Variants in EPHA7 observed in about 807,000 individuals in gnomAD.
The protein encoded by EPHA7 is ephrin type-A receptor 7.
EPHA7 carries 25 observed loss-of-function variants against 112.6 expected under a neutral mutation model. The ratio of observed to expected loss-of-function variants is 0.22; its 90% CI spans 0.16 to 0.31. EPHA7 has a LOEUF of 0.31. EPHA7 is among the 10% of genes least tolerant of loss of function. The probability of loss-of-function intolerance (pLI) is 1.00; values close to 1 mark genes in which losing one functional copy is unlikely to be tolerated. For missense variants in EPHA7, 962 were observed against 1,212.6 expected (o/e 0.79, Z 3.07); for synonymous variants, 437 against 406.5 (o/e 1.07, Z -0.90).
chr6:93,400,107 A>C (rs1297387258), intron 3 of EPHA7, among the ~76,000 whole-genome samples: 1 of 152,030 alleles, frequency 6.6e-6, no homozygotes, highest in Non-Finnish European at 1.5e-5. Flanking sequence ...CTTTATAGGA[A>C]AATGTCAACT....
Position 93,357,026 on chromosome 6 carries a change from T to C in EPHA7, c.1015A>G (p.Ile339Val), listed in dbSNP as rs1158620225. ...ACTGTGGTTTGGTTGATGTTGAAAA[T>C]GAGGTTCTGTGGTGCAGATGGAGGC... is the stretch of plus-strand genomic sequence containing the variant. ...TRPPSAPQNL[I>V]FNINQTTVSL... is the part of the protein sequence containing the mutation. The change falls in exon 5 of 17, where the codon ATT becomes GTT. Residue 339 changes from isoleucine (I) to valine (V), a missense_variant. Ile to Val is a conservative substitution (Grantham distance 29, BLOSUM62 3). Transcript: ENST00000369303. 5.0e-6 allele frequency: 8 copies of C among 1,612,970 alleles called. No homozygotes were observed. The Admixed American group carries it at 6.7e-5, about 13-fold the overall frequency.
intron 5 of EPHA7, among the ~76,000 whole-genome samples, chr6:93,304,639 G>C (rs1277348093): frequency 6.6e-6 from 1 of 152,054 alleles, no homozygotes; most frequent in African/African-American, 2.4e-5. Flanking sequence ...TGTTTTATAG[G>C]AGGAGAATTC....
chr6:93,298,250 ACAGT>A (rs1772777624), intron 5 of EPHA7, among the ~76,000 whole-genome samples: 1 of 152,186 alleles, frequency 6.6e-6, no homozygotes, highest in Non-Finnish European at 1.5e-5. Context: ...GTGGGAGCCG[ACAGT>A]CAGAAATACC....
chr6:93,416,039 G>T (rs1779204626), intron 1 of EPHA7, among the ~76,000 whole-genome samples: 1 of 151,642 alleles, frequency 6.6e-6, no homozygotes, highest in African/African-American at 2.4e-5. Flanking sequence ...TGTTGTTGTT[G>T]TTGTTTCTTT....
chr6:93,308,713 G>C (rs1420777650), intron 5 of EPHA7, among the ~76,000 whole-genome samples: 2 of 151,862 alleles, frequency 1.3e-5, no homozygotes, highest in African/African-American at 2.4e-5. Context: ...TTAATAGCTA[G>C]TTAGGAATAT....
intron 3 of EPHA7, among the ~76,000 whole-genome samples, chr6:93,363,931 G>T (rs1241321218): frequency 7.2e-5 from 11 of 152,036 alleles, no homozygotes; most frequent in Non-Finnish European, 1.6e-4. Context: ...CTACATAAGA[G>T]AATCCAATCA....
At chr6:93,256,814 G>A (rs1770460674) in intron 12 of EPHA7, among the ~76,000 whole-genome samples, 1 of 152,056 alleles carries the variant, frequency 6.6e-6, no homozygotes. Flanking sequence ...ATACGCCTGA[G>A]TTAAATATGA....
In EPHA7 at chr6:93,410,742, A is replaced by G. The variant is rs556852647; in HGVS notation, c.591T>C (p.Ser197=). Residue 197 remains serine, a synonymous_variant, in exon 3 of 17, where the codon TCT becomes TCC. Coordinates refer to ENST00000369303, the MANE Select transcript of EPHA7 (RefSeq NM_004440.4). The surrounding 1 kb of genome is among the most constrained non-coding windows in gnomAD (Gnocchi z 4.0). ...QDVGACIALV[S]VKVYYKKCWS... is the part of the protein sequence containing the mutation. Reference sequence around the variant, plus strand: ...AGCACTTCTTGTAGTACACTTTGACAGAAACCAAAGCTATGCAAGCCCCTA... The same window carrying G: ...AGCACTTCTTGTAGTACACTTTGACGGAAACCAAAGCTATGCAAGCCCCTA... 2.1e-5 allele frequency: 34 copies of G among 1,613,962 alleles called. No homozygotes were observed. In the East Asian group the frequency reaches 4.0e-4, roughly 19 times the overall value.
intron 5 of EPHA7, among the ~76,000 whole-genome samples, chr6:93,307,498 T>C (rs1243483804): frequency 6.6e-6 from 1 of 152,152 alleles, no homozygotes; most frequent in East Asian, 1.9e-4. Flanking sequence ...CACTTTTTTC[T>C]TCCCAAAATA....
intron 5 of EPHA7, among the ~76,000 whole-genome samples, chr6:93,354,652 C>T (rs964526121): frequency 6.7e-6 from 1 of 148,698 alleles, no homozygotes; most frequent in African/African-American, 2.5e-5. Flanking sequence ...AAAAAAAACC[C>T]TCCAGCCAAC....
chr6:93,242,956 CT>C lies in EPHA7; in HGVS notation c.*469del. 1 of 218,732 alleles carries C rather than the reference CT, an allele frequency of 4.6e-6. No individual in the cohort carries two copies. The highest frequency in any genetic ancestry group is 9.2e-6 in the Non-Finnish European group (1 of 108,802). 13.5% of individuals were successfully genotyped at this position (218,732 alleles called of 1,614,324 possible). ...GATTTAACACTAAAAAGGTCCAAAG[CT>C]ATAAACAGCTTTCTAAAACAAAGTC... On this transcript the variant is annotated 3_prime_UTR_variant, in exon 17 of 17. Transcript: ENST00000369303.
intron 6 of EPHA7, among the ~76,000 whole-genome samples, chr6:93,269,888 A>G (rs893680738): frequency 6.6e-6 from 1 of 151,918 alleles, no homozygotes; most frequent in East Asian, 1.9e-4. Flanking sequence ...TAAAACATTT[A>G]TGGTGTTTTT....
At chr6:93,382,804 A>T (rs918760199) in intron 3 of EPHA7, among the ~76,000 whole-genome samples, 1 of 152,118 alleles carries the variant, frequency 6.6e-6, no homozygotes, top group Non-Finnish European at 1.5e-5. Flanking sequence ...TACTCTTTTT[A>T]AAAATATCCA....
chr6:93,354,321 G>A (rs1775836769), intron 5 of EPHA7, among the ~76,000 whole-genome samples: 1 of 151,936 alleles, frequency 6.6e-6, no homozygotes, highest in Non-Finnish European at 1.5e-5. Context: ...AATTTTCTCT[G>A]TTAGAAAAAG....
chr6:93,312,051 G>A (rs537685552), intron 5 of EPHA7, among the ~76,000 whole-genome samples: 1 of 152,166 alleles, frequency 6.6e-6, no homozygotes, highest in South Asian at 2.1e-4. Flanking sequence ...AGGCTTCATT[G>A]ATACACTAAT....
At chr6:93,284,989 G>A (rs1222638600) in intron 5 of EPHA7, among the ~76,000 whole-genome samples, 3 of 152,150 alleles carry the variant, frequency 2.0e-5, no homozygotes, top group Middle Eastern at 3.4e-3. Flanking sequence ...AGAACTTAAA[G>A]TATAATTAAA....
chr6:93,330,693 G>C (rs140940919), intron 5 of EPHA7, among the ~76,000 whole-genome samples: 7 of 151,252 alleles, frequency 4.6e-5, no homozygotes, highest in African/African-American at 1.7e-4. Flanking sequence ...CCTGTTGATC[G>C]ATACTTAGGT....
At chr6:93,411,241 C>A (rs1196423019) in intron 2 of EPHA7, 71 bp from the exon 3 acceptor site, 3 of 1,269,218 alleles carry the variant, frequency 2.4e-6, no homozygotes, top group Non-Finnish European at 3.3e-6. Context: ...AGTGCAAGTA[C>A]TTCACAAATA....
chr6:93,289,487 G>A (rs1772243845), intron 5 of EPHA7, among the ~76,000 whole-genome samples: 1 of 151,950 alleles, frequency 6.6e-6, no homozygotes, highest in African/African-American at 2.4e-5. Flanking sequence ...AGCTGGGAGT[G>A]GTGGCGAGCA....
Sources: gnomAD v4.1 joint callset for allele counts (sites outside exome capture counted in the v4.1 genomes callset) on GRCh38, gnomAD v4.1.1 for gene constraint, Gnocchi (gnomAD v3.1) non-coding constraint, MANE v1.5 for transcripts, NCBI Gene and HGNC (gene_info 2026-07-23, HGNC 2026-07-21) for gene names.